RYR2: variants seen among roughly 807,000 people sequenced by gnomAD.
The protein encoded by RYR2 is ryanodine receptor 2.
RYR2 carries 227 observed loss-of-function variants against 601.1 expected under a neutral mutation model. The ratio of observed to expected loss-of-function variants is 0.38; its 90% CI spans 0.34 to 0.42. The LOEUF (loss-of-function observed/expected upper bound fraction) is 0.42. RYR2 is among the 10% of genes least tolerant of loss of function. The pLI is 1.00. For synonymous variants in RYR2, 2,223 were observed against 2,175.1 expected, an observed-to-expected ratio of 1.02 and a Z score of -0.61; for missense variants, 4,646 against 6,156.5, an observed-to-expected ratio of 0.75 and a Z score of 8.21.
chr1:237,574,922 A>G (rs1331584682), intron 29 of RYR2, among the ~76,000 whole-genome samples: 2 of 152,174 alleles, frequency 1.3e-5, no homozygotes, highest in African/African-American at 2.4e-5. Flanking sequence ...CTACAGAACT[A>G]TGAGATAAGA....
At chr1:237,254,599 T>C (rs747682236) in intron 1 of RYR2, among the ~76,000 whole-genome samples, 1 of 152,230 alleles carries the variant, frequency 6.6e-6, no homozygotes, top group Middle Eastern at 3.2e-3. Flanking sequence ...TGTGGTCTCA[T>C]TCTTTAGAGA....
intron 1 of RYR2, among the ~76,000 whole-genome samples, chr1:237,255,512 A>T (rs1413052626): frequency 2.0e-5 from 3 of 152,204 alleles, no homozygotes; most frequent in Non-Finnish European, 4.4e-5. Flanking sequence ...ATAGGAACAA[A>T]AAAATTTCCT....
At chr1:237,491,156 A>G (rs1558908958) in intron 17 of RYR2, among the ~76,000 whole-genome samples, 1 of 152,228 alleles carries the variant, frequency 6.6e-6, no homozygotes, top group Non-Finnish European at 1.5e-5. Flanking sequence ...TGTGGTGGCT[A>G]GTACCTAAAA....
At chr1:237,796,517 C>CTTTCT (rs1251531149) in intron 96 of RYR2, among the ~76,000 whole-genome samples, 10 of 152,110 alleles carry the variant, frequency 6.6e-5, no homozygotes, top group Admixed American at 1.3e-4. Context: ...TTCATAGGCT[C>CTTTCT]TTTCTTTTGG....
At chr1:237,611,660 C>T (rs1677884480) in intron 36 of RYR2, among the ~76,000 whole-genome samples, 1 of 152,038 alleles carries the variant, frequency 6.6e-6, no homozygotes, top group Admixed American at 6.6e-5. Flanking sequence ...CCAAGATTTC[C>T]CTCCCAAAAT....
intron 88 of RYR2, among the ~76,000 whole-genome samples, chr1:237,780,959 CAGA>C (rs1695055847): frequency 6.6e-6 from 1 of 152,122 alleles, no homozygotes; most frequent in Non-Finnish European, 1.5e-5. Context: ...GTCAAATGTG[CAGA>C]AGGTCTTGAG....
chr1:237,420,221 T>A (rs1439969223), intron 11 of RYR2, among the ~76,000 whole-genome samples: 2 of 152,154 alleles, frequency 1.3e-5, no homozygotes, highest in African/African-American at 2.4e-5. Context: ...CCAGGCAAAA[T>A]TATAGGGATA....
At chr1:237,071,376 G>A (rs12087893) in intron 1 of RYR2, among the ~76,000 whole-genome samples, 3,003 of 152,028 alleles carry the variant, frequency 0.02, 94 homozygotes, top group African/African-American at 0.069. Flanking sequence ...GGCACCTGTC[G>A]CCATGCCCGG....
At chr1:237,337,693 T>C (rs1312559170) in intron 3 of RYR2, among the ~76,000 whole-genome samples, 1 of 152,222 alleles carries the variant, frequency 6.6e-6, no homozygotes, top group Non-Finnish European at 1.5e-5. Flanking sequence ...TGATGGTCTC[T>C]GCATTGAGTA....
At position 237,784,588 on chromosome 1, in the gene RYR2, G is replaced by C; in HGVS notation, c.12876G>C (p.Met4292Ile). The change falls in exon 90 of 105, where the codon ATG (methionine) becomes ATC (isoleucine). Residue 4292 changes from methionine (M) to isoleucine (I), a missense_variant. Physicochemically the swap from Met to Ile is conservative, Grantham distance 10. Coordinates refer to ENST00000366574, the MANE Select transcript of RYR2 (RefSeq NM_001035.3). This position sits in a 1 kb window ranked among gnomAD's most constrained non-coding sequence, Gnocchi z 7.1. ...TTTCATCCTACTGGAGTATTTTCATGACCCTCTTGCACTTCGTGGCCAGCG... is the reference window on the plus strand; with the variant it reads ...TTTCATCCTACTGGAGTATTTTCATCACCCTCTTGCACTTCGTGGCCAGCG... ...AFFSSYWSIF[M>I]TLLHFVASVF... is the part of the protein sequence containing the mutation. The C allele has an allele frequency of 6.2e-7, 1 of 1,613,914 alleles. No homozygotes were observed.
chr1:237,376,366 T>C lies in RYR2; in HGVS notation c.464-957T>C, dbSNP rs534174326. ...AAAATGAATTTGTGGTGAGGGCCTA[T>C]AATAGGCTAGCAGGAGCTGGAGAAA... On this transcript the variant is annotated intron_variant, in intron 7 of 104. Coordinates refer to ENST00000366574, the MANE Select transcript of RYR2 (RefSeq NM_001035.3). 1.2e-4 allele frequency among the ~76,000 whole-genome samples: 18 copies of C among 152,226 alleles called. No homozygotes were observed. In the East Asian group the frequency reaches 3.5e-3, roughly 29 times the overall value.
intron 3 of RYR2, among the ~76,000 whole-genome samples, chr1:237,354,304 G>GA (rs916356065): frequency 6.6e-6 from 1 of 151,930 alleles, no homozygotes; most frequent in Non-Finnish European, 1.5e-5. Context: ...TCTTTCTTCT[G>GA]AAAAAATCCC....
At chr1:237,336,797 T>C (rs1697277663) in intron 3 of RYR2, among the ~76,000 whole-genome samples, 2 of 151,774 alleles carry the variant, frequency 1.3e-5, no homozygotes, top group South Asian at 4.2e-4. Context: ...ATGGAGGTTG[T>C]AGAGAGCAGA....
intron 3 of RYR2, among the ~76,000 whole-genome samples, chr1:237,339,991 A>G (rs535744770): frequency 5.3e-5 from 8 of 152,292 alleles, no homozygotes; most frequent in Middle Eastern, 3.4e-3. Context: ...AGGGAAGGAT[A>G]CTTTGAAGAA....
At chr1:237,209,834 T>G (rs1682370051) in intron 1 of RYR2, among the ~76,000 whole-genome samples, 1 of 152,128 alleles carries the variant, frequency 6.6e-6, no homozygotes, top group South Asian at 2.1e-4. Context: ...CCAGCCTAGG[T>G]GACAGAGCAA....
chr1:237,545,965 T>G (rs1480695912), intron 25 of RYR2, among the ~76,000 whole-genome samples: 7 of 149,970 alleles, frequency 4.7e-5, no homozygotes, highest in Admixed American at 1.3e-4. Context: ...ATGTTTTGGG[T>G]TTTTTTTAAT....
chr1:237,601,126 T>G (rs961700600), intron 34 of RYR2, among the ~76,000 whole-genome samples: 24 of 152,190 alleles, frequency 1.6e-4, no homozygotes, highest in African/African-American at 5.8e-4. Flanking sequence ...AAGGAATATC[T>G]GCACTTCTAT....
Position 237,433,997 on chromosome 1 carries a change from C to G in RYR2, c.1006-7322C>G, listed in dbSNP as rs575745076. Among the ~76,000 whole-genome samples, 3 of 152,234 alleles carry G rather than the reference C, an allele frequency of 2.0e-5. No homozygotes were observed. In the South Asian group the frequency reaches 6.2e-4, roughly 32 times the overall value. On this transcript the variant is annotated intron_variant, in intron 12 of 104. Coordinates refer to ENST00000366574, the MANE Select transcript of RYR2 (RefSeq NM_001035.3). ...GATTTATTACTGATGGAAAATCAAA[C>G]TTTTCTAGGTCAGTTGCAAATCTCA... is the stretch of plus-strand genomic sequence containing the variant.
At chr1:237,801,301 C>T (rs749472776) in intron 97 of RYR2, among the ~76,000 whole-genome samples, 16 of 143,814 alleles carry the variant, frequency 1.1e-4, no homozygotes, top group Non-Finnish European at 1.8e-4. Context: ...GAGGCCAAAG[C>T]GGACAGATCC....
Sources: allele counts gnomAD v4.1 joint callset (sites outside exome capture counted in the v4.1 genomes callset), GRCh38; gene constraint gnomAD v4.1.1; non-coding constraint Gnocchi (gnomAD v3.1); transcripts MANE v1.5; gene names NCBI Gene and HGNC (gene_info 2026-07-23, HGNC 2026-07-21).